ZNF518A: variants seen among roughly 807,000 people sequenced by gnomAD.
ZNF518A encodes the protein zinc finger protein 518.
ZNF518A carries 47 observed loss-of-function variants against 102.7 expected under a neutral mutation model. The ratio of observed to expected loss-of-function variants is 0.46; its 90% confidence interval spans 0.36 to 0.58. The LOEUF is 0.58. ZNF518A is among the 20% of genes least tolerant of loss of function. The pLI is 0.00. For synonymous variants in ZNF518A, 652 were observed against 594.6 expected (o/e 1.10, Z -1.40); for missense variants, 1,793 against 1,699.8 (o/e 1.05, Z -0.96).
At chr10:96,129,951 G>C (rs1554870580), upstream of ZNF518A, 1 of 152,694 alleles carries the variant, frequency 6.5e-6, no homozygotes, top group South Asian at 2.1e-4. Context: ...GTCAGACCGA[G>C]CGCGGACCCT....
chr10:96,191,895 A>T (rs1303359338), intron 1 of ZNF518A: 26 of 1,567,466 alleles, frequency 1.7e-5, no homozygotes, highest in African/African-American at 2.7e-5. Context: ...CAAAATATGA[A>T]GTTTTGGGAC....
At chr10:96,175,881 T>A (rs12356471) in intron 1 of ZNF518A, among the ~76,000 whole-genome samples, 1 of 59,916 alleles carries the variant, frequency 1.7e-5, no homozygotes, top group African/African-American at 6.3e-5. Context: ...CTCCCTCCCT[T>A]CCTTCCTTCC....
At position 96,130,362 on chromosome 10, in the gene ZNF518A, G is replaced by A. The variant is rs1429618954; in HGVS notation, c.-843G>A. ...TGCCGAGCGCTTTTGCCGACTGCTAGAGCTTACCCTTACTTTCTTAACCTG... is the reference window on the plus strand; with the variant it reads ...TGCCGAGCGCTTTTGCCGACTGCTAAAGCTTACCCTTACTTTCTTAACCTG... On this transcript the variant is annotated 5_prime_UTR_variant, in exon 1 of 6. Coordinates refer to ENST00000316045, the MANE Select transcript of ZNF518A (RefSeq NM_001330736.2). Among the ~76,000 whole-genome samples, 1 of 152,254 alleles carries A rather than the reference G, an allele frequency of 6.6e-6. No individual in the cohort carries two copies. The highest frequency in any genetic ancestry group is 1.5e-5 in the Non-Finnish European group (1 of 68,050).
intron 4 of ZNF518A, 123 bp from the exon 5 acceptor site, chr10:96,155,799 CAT>C (rs1392181285): frequency 2.0e-5 from 3 of 152,332 alleles, no homozygotes; most frequent in South Asian, 2.1e-4. Context: ...GGATAAACCA[CAT>C]GTGTGTAATT....
At chr10:96,155,168 GT>G (rs77282512) in intron 3 of ZNF518A, among the ~76,000 whole-genome samples, 157 bp from the exon 4 acceptor site, 16,714 of 152,016 alleles carry the variant, frequency 0.11, 1,883 homozygotes, top group African/African-American at 0.29. Context: ...ACAATATATT[GT>G]TATGTCCCAT....
At chr10:96,146,198 T>A (rs2082166086) in intron 3 of ZNF518A, among the ~76,000 whole-genome samples, 1 of 152,220 alleles carries the variant, frequency 6.6e-6, no homozygotes, top group Non-Finnish European at 1.5e-5. Flanking sequence ...CTTACAATAC[T>A]GTAATTGATT....
At chr10:96,173,323 AT>A (rs138218133) in intron 1 of ZNF518A, among the ~76,000 whole-genome samples, 56,354 of 151,876 alleles carry the variant, frequency 0.37, 11,834 homozygotes, top group Middle Eastern at 0.55. Context: ...CTCTGTGGAG[AT>A]CACAGTTCTA....
Position 96,159,035 on chromosome 10 carries a change from C to T in ZNF518A, c.2713C>T (p.Leu905=). The T allele has an allele frequency of 1.2e-6, 2 of 1,613,630 alleles. No individual in the cohort carries two copies. Among genetic ancestry groups the T allele is most frequent in the Non-Finnish European group, 1.7e-6 (2 of 1,179,728 alleles). Residue 905 remains leucine (L), a synonymous_variant, in exon 6 of 6, where the codon CTA becomes TTA. Coordinates refer to ENST00000316045, the MANE Select transcript of ZNF518A (RefSeq NM_001330736.2). ...AACACAGCAGCTTGTAAAAGACAAA[C>T]TACGAGCCACCACACAAAATTTAGG... ...IITQQLVKDK[L]RATTQNLGSF...
At chr10:96,129,959 C>T (rs1400843205), upstream of ZNF518A, 3 of 152,656 alleles carry the variant, frequency 2.0e-5, no homozygotes, top group African/African-American at 7.2e-5. Flanking sequence ...GAGCGCGGAC[C>T]CTGCCGGCCT....
At chr10:96,191,838 C>T in intron 1 of ZNF518A, 2 of 1,226,818 alleles carry the variant, frequency 1.6e-6, no homozygotes, top group South Asian at 2.6e-5. Context: ...ATGACCACTT[C>T]AATAGCTGAC....
At chr10:96,150,691 ATTTTTTTTTAAG>A (rs2082397748) in intron 3 of ZNF518A, among the ~76,000 whole-genome samples, 1 of 76,130 alleles carries the variant, frequency 1.3e-5, no homozygotes, top group Non-Finnish European at 2.8e-5. Flanking sequence ...TTATTACTTG[ATTTTTTTTTAAG>A]TTTTCTTTTT....
rs782537955 is a variant in ZNF518A, at chr10:96,158,565, C to G, written c.2243C>G (p.Ser748Cys). 1.9e-6 allele frequency: 3 copies of G among 1,613,142 alleles called. No individual in the cohort carries two copies. Among genetic ancestry groups the G allele is most frequent in the East Asian group, 4.5e-5 (2 of 44,856 alleles). Reference protein sequence around the residue: ...NQNLECATEKSKWEDFSNVDS... With the variant: ...NQNLECATEKCKWEDFSNVDS... ...AATTTAGAGTGTGCGACTGAAAAAT[C>G]TAAATGGGAAGACTTTTCTAATGTC... Residue 748 changes from serine to cysteine, a missense_variant, in exon 6 of 6, where the codon TCT becomes TGT. Around this residue, in one of 3 missense-constraint regions of ZNF518A, gnomAD observed 1,741 missense variants for 1,622.6 expected, o/e 1.07. Transcript: ENST00000316045.
intron 1 of ZNF518A, among the ~76,000 whole-genome samples, chr10:96,180,165 C>T (rs2083230899): frequency 6.8e-6 from 1 of 146,724 alleles, no homozygotes; most frequent in Non-Finnish European, 1.5e-5. Flanking sequence ...CAGGCATGAA[C>T]CACAGCTCCA....
chr10:96,172,921 A>T (rs1554891037), intron 1 of ZNF518A, among the ~76,000 whole-genome samples: 1 of 152,112 alleles, frequency 6.6e-6, no homozygotes, highest in African/African-American at 2.4e-5. Flanking sequence ...AACTCTCCAT[A>T]TCTGTGCGTT....
chr10:96,174,877 G>A (rs1554891285), intron 1 of ZNF518A, among the ~76,000 whole-genome samples: 1 of 152,116 alleles, frequency 6.6e-6, no homozygotes, highest in Non-Finnish European at 1.5e-5. Flanking sequence ...TAGGATGTGG[G>A]GCCTTAGGGA....
chr10:96,197,873 G>A (rs188424667), intron 1 of ZNF518A, among the ~76,000 whole-genome samples: 2 of 148,696 alleles, frequency 1.3e-5, no homozygotes, highest in Non-Finnish European at 3.0e-5. Context: ...CCAAGATCGT[G>A]CCACTGCACT....
intron 1 of ZNF518A, among the ~76,000 whole-genome samples, chr10:96,192,387 G>A (rs1192096853): frequency 2.0e-5 from 3 of 152,032 alleles, no homozygotes; most frequent in Admixed American, 6.5e-5. Context: ...TTTATTTACC[G>A]TTAAATGTAA....
intron 1 of ZNF518A, chr10:96,192,192 T>C (rs782422565): frequency 8.2e-5 from 122 of 1,495,942 alleles, no homozygotes; most frequent in Admixed American, 1.4e-4. Flanking sequence ...GTAAAAGTTA[T>C]TACACCCCAG....
chr10:96,141,622 A>T (rs587630335), intron 3 of ZNF518A, among the ~76,000 whole-genome samples: 2 of 152,356 alleles, frequency 1.3e-5, no homozygotes, highest in Non-Finnish European at 2.9e-5. Flanking sequence ...TATCAATTGC[A>T]TACCAGAATG....
Sources: gnomAD v4.1 joint callset for allele counts (sites outside exome capture counted in the v4.1 genomes callset) on GRCh38, gnomAD v4.1.1 for gene constraint, gnomAD v4.1.1 regional missense constraint, MANE v1.5 for transcripts, NCBI Gene and HGNC (gene_info 2026-07-23, HGNC 2026-07-21) for gene names.